The following IMMP2L variants were observed in gnomAD, a reference collection of about 807,000 sequenced individuals.
The protein encoded by IMMP2L is mitochondrial inner membrane protease subunit 2.
A neutral mutation model predicts 19.3 loss-of-function variants in IMMP2L; 18 were observed. That is an observed-to-expected ratio of 0.93 (90% CI 0.64 to 1.38). IMMP2L has a LOEUF of 1.38. Among genes scored for constraint, IMMP2L ranks in the 40% most tolerant of loss-of-function variants. IMMP2L has a pLI of 0.00. For missense variants in IMMP2L, 233 were observed against 218.2 expected (o/e 1.07, Z -0.43); for synonymous variants, 76 against 73.0 (o/e 1.04, Z -0.21).
chr7:111,123,627 C>A lies in IMMP2L; in HGVS notation c.240-160062G>T. On this transcript the variant is annotated intron_variant, in intron 3 of 5. Coordinates refer to ENST00000405709, the MANE Select transcript of IMMP2L (RefSeq NM_032549.4). This position sits in a 1 kb window ranked among gnomAD's most constrained non-coding sequence, Gnocchi z 6.4. ...GGGGTGATTTTAGCAATATGCTACA[C>A]TTAAAAGAGTTGGGGATAAATAATA... 1 of 1,613,678 alleles carries A rather than the reference C, an allele frequency of 6.2e-7. No individual in the cohort carries two copies. Among genetic ancestry groups the A allele is most frequent in the Non-Finnish European group, 8.5e-7 (1 of 1,179,778 alleles).
intron 3 of IMMP2L, among the ~76,000 whole-genome samples, chr7:111,016,725 TA>T (rs1028444947): frequency 2.0e-5 from 2 of 98,092 alleles, no homozygotes; most frequent in African/African-American, 4.3e-5. Flanking sequence ...TATATTTATA[TA>T]TAAAATATAT....
chr7:111,307,441 A>G (rs2130175759), intron 3 of IMMP2L, among the ~76,000 whole-genome samples: 1 of 151,972 alleles, frequency 6.6e-6, no homozygotes, highest in East Asian at 1.9e-4. Flanking sequence ...TATGTGTACC[A>G]TATTCTGTAA....
At chr7:111,055,121 T>C (rs1434169295) in intron 3 of IMMP2L, among the ~76,000 whole-genome samples, 1 of 151,502 alleles carries the variant, frequency 6.6e-6, no homozygotes, top group Non-Finnish European at 1.5e-5. Context: ...TGCAATCACG[T>C]CTCACTGCAG....
At chr7:111,466,161 A>T (rs867372575) in intron 3 of IMMP2L, among the ~76,000 whole-genome samples, 9 of 152,058 alleles carry the variant, frequency 5.9e-5, no homozygotes, top group African/African-American at 1.4e-4. Flanking sequence ...AACATCACAC[A>T]CTGTGGCCTG....
chr7:111,449,138 G>A (rs1395847422), intron 3 of IMMP2L, among the ~76,000 whole-genome samples: 1 of 148,518 alleles, frequency 6.7e-6, no homozygotes, highest in African/African-American at 2.5e-5. Flanking sequence ...GTACAAGGAG[G>A]AACTGGTACC....
chr7:111,555,899 C>G (rs556100373), intron 1 of IMMP2L, among the ~76,000 whole-genome samples: 2 of 150,570 alleles, frequency 1.3e-5, no homozygotes, highest in East Asian at 2.0e-4. Flanking sequence ...AAAAGAGAAC[C>G]CTTGTATACT....
At chr7:111,377,209 T>C (rs1830748834) in intron 3 of IMMP2L, among the ~76,000 whole-genome samples, 1 of 151,954 alleles carries the variant, frequency 6.6e-6, no homozygotes, top group Non-Finnish European at 1.5e-5. Context: ...TAGTCATTCT[T>C]CTATAATGTT....
intron 5 of IMMP2L, among the ~76,000 whole-genome samples, chr7:110,838,644 C>T (rs940459173): frequency 6.6e-6 from 1 of 151,954 alleles, no homozygotes; most frequent in Non-Finnish European, 1.5e-5. Context: ...AGCAAGAAGG[C>T]CTTAACCAGA....
intron 3 of IMMP2L, among the ~76,000 whole-genome samples, chr7:111,393,114 GGCTTGGTCTGTTGGGCAACCAGCCT>G: frequency 6.6e-6 from 1 of 151,874 alleles, no homozygotes; most frequent in East Asian, 1.9e-4. Context: ...TGCTAATCAA[GGCTTGGTCTGTTGGGCAACCAGCCT>G]GCAACCTGAA....
At chr7:111,377,346 T>C (rs1030272124) in intron 3 of IMMP2L, among the ~76,000 whole-genome samples, 2 of 152,022 alleles carry the variant, frequency 1.3e-5, no homozygotes, top group Non-Finnish European at 2.9e-5. Flanking sequence ...TATCCTTCTA[T>C]AGTACAGCTC....
intron 5 of IMMP2L, among the ~76,000 whole-genome samples, chr7:110,827,140 T>C (rs960576070): frequency 7.2e-5 from 11 of 152,112 alleles, no homozygotes; most frequent in African/African-American, 2.7e-4. Flanking sequence ...TGAGATTGTT[T>C]TGGAAATACC....
chr7:111,354,088 G>C (rs961774584), intron 3 of IMMP2L, among the ~76,000 whole-genome samples: 4 of 151,448 alleles, frequency 2.6e-5, no homozygotes, highest in Non-Finnish European at 4.4e-5. Flanking sequence ...GGAAAAATGG[G>C]GACAGAATAA....
At chr7:111,380,519 T>G (rs925381170) in intron 3 of IMMP2L, among the ~76,000 whole-genome samples, 5 of 152,014 alleles carry the variant, frequency 3.3e-5, no homozygotes, top group African/African-American at 7.2e-5. Context: ...TTTAACTTCT[T>G]GAATTAACAT....
chr7:111,438,605 T>A (rs1837421843), intron 3 of IMMP2L, among the ~76,000 whole-genome samples: 1 of 151,966 alleles, frequency 6.6e-6, no homozygotes, highest in African/African-American at 2.4e-5. Context: ...GCTGTGTTGT[T>A]AGAAGAAATG....
chr7:111,015,110 T>A (rs1288490467), intron 3 of IMMP2L, among the ~76,000 whole-genome samples: 1 of 152,146 alleles, frequency 6.6e-6, no homozygotes, highest in African/African-American at 2.4e-5. Flanking sequence ...ACACCCATGT[T>A]CACAGCAGCA....
intron 2 of IMMP2L, among the ~76,000 whole-genome samples, chr7:111,512,521 A>C (rs1845544370): frequency 6.6e-6 from 1 of 152,122 alleles, no homozygotes; most frequent in African/African-American, 2.4e-5. Context: ...TTTTAATAAA[A>C]AATTCAAGTC....
intron 5 of IMMP2L, among the ~76,000 whole-genome samples, chr7:110,696,191 T>A (rs541933643): frequency 6.6e-6 from 1 of 152,344 alleles, no homozygotes; most frequent in South Asian, 2.1e-4. Flanking sequence ...AGGAGGACTC[T>A]GTCCAGACTG....
chr7:111,023,453 C>A (rs188398514), intron 3 of IMMP2L, among the ~76,000 whole-genome samples: 2 of 151,678 alleles, frequency 1.3e-5, no homozygotes, highest in African/African-American at 4.8e-5. Context: ...GCAGTCCCAG[C>A]ACTTTGGGAG....
chr7:111,447,604 T>C (rs565473685), intron 3 of IMMP2L, among the ~76,000 whole-genome samples: 1 of 150,946 alleles, frequency 6.6e-6, no homozygotes, highest in South Asian at 2.1e-4. Flanking sequence ...TGCAAAATCA[T>C]GCCAAAATGT....
Sources: gnomAD v4.1 joint callset for allele counts (sites outside exome capture counted in the v4.1 genomes callset) on GRCh38, gnomAD v4.1.1 for gene constraint, Gnocchi (gnomAD v3.1) non-coding constraint, MANE v1.5 for transcripts, NCBI Gene and HGNC (gene_info 2026-07-23, HGNC 2026-07-21) for gene names.